The following EYS variants were observed in gnomAD, a reference collection of about 807,000 sequenced individuals.
The protein encoded by EYS is EGF-like photoreceptor maintenance factor.
A neutral mutation model predicts 282.1 loss-of-function variants in EYS; 250 were observed. The ratio of observed to expected loss-of-function variants is 0.89; its 90% CI spans 0.80 to 0.98. The LOEUF is 0.98. Among genes scored for constraint, EYS ranks in the 50% least tolerant of loss-of-function variants. The pLI, the probability that EYS is intolerant of heterozygous loss-of-function variation, is 0.00. For missense variants in EYS, 4,016 were observed against 3,709.0 expected, an observed-to-expected ratio of 1.08 and a Z score of -2.15; for synonymous variants, 1,355 against 1,282.9, an observed-to-expected ratio of 1.06 and a Z score of -1.20.
intron 36 of EYS, among the ~76,000 whole-genome samples, chr6:63,853,037 G>T (rs1772300861): frequency 6.6e-6 from 1 of 152,146 alleles, no homozygotes; most frequent in South Asian, 2.1e-4. Flanking sequence ...TACTGAATGG[G>T]CAAAAGCTGG....
At chr6:65,460,100 TA>T (rs1417521147) in intron 5 of EYS, among the ~76,000 whole-genome samples, 1 of 137,658 alleles carries the variant, frequency 7.3e-6, no homozygotes, top group Non-Finnish European at 1.6e-5. Flanking sequence ...CACACACACA[TA>T]CATATAAAAT....
At chr6:64,470,008 GC>G (rs1315830470) in intron 26 of EYS, among the ~76,000 whole-genome samples, 6 of 152,116 alleles carry the variant, frequency 3.9e-5, no homozygotes, top group South Asian at 2.1e-4. Flanking sequence ...GCAGGGAAGG[GC>G]CCCCTATCCA....
At chr6:65,461,855 G>A (rs955980567) in intron 5 of EYS, among the ~76,000 whole-genome samples, 11 of 152,052 alleles carry the variant, frequency 7.2e-5, no homozygotes, top group African/African-American at 2.7e-4. Context: ...TAGTATTACA[G>A]TATTGCCATT....
At chr6:64,469,411 ATTAG>A (rs1325490575) in intron 26 of EYS, among the ~76,000 whole-genome samples, 3 of 152,162 alleles carry the variant, frequency 2.0e-5, no homozygotes, top group Admixed American at 6.5e-5. Context: ...ATAATTAATC[ATTAG>A]TTAGTAGTAC....
At chr6:64,863,212 A>G (rs567439390) in intron 19 of EYS, among the ~76,000 whole-genome samples, 1 of 152,292 alleles carries the variant, frequency 6.6e-6, no homozygotes, top group Non-Finnish European at 1.5e-5. Context: ...CATGCATTGT[A>G]CTATTACTTT....
intron 36 of EYS, among the ~76,000 whole-genome samples, chr6:63,845,187 G>A (rs753928871): frequency 1.2e-4 from 19 of 152,114 alleles, no homozygotes; most frequent in African/African-American, 2.9e-4. Context: ...AAACCTAAAG[G>A]TACTGAAGAT....
At chr6:64,324,790 A>G (rs1406387624) in intron 29 of EYS, among the ~76,000 whole-genome samples, 1 of 152,230 alleles carries the variant, frequency 6.6e-6, no homozygotes, top group Non-Finnish European at 1.5e-5. Flanking sequence ...AAATCAATGT[A>G]TAAAAATCGG....
intron 12 of EYS, among the ~76,000 whole-genome samples, chr6:65,270,640 GAA>G (rs1054754786): frequency 6.6e-6 from 1 of 151,888 alleles, no homozygotes; most frequent in African/African-American, 2.4e-5. Context: ...ATTTTACTAT[GAA>G]AAGTCAGAAA....
intron 2 of EYS, among the ~76,000 whole-genome samples, chr6:65,506,427 T>C (rs1013030353): frequency 1.3e-5 from 2 of 151,068 alleles, no homozygotes; most frequent in African/African-American, 2.4e-5. Context: ...TTGTATTGAT[T>C]GTCCTGAGGT....
intron 2 of EYS, among the ~76,000 whole-genome samples, chr6:65,627,878 T>C (rs1766771099): frequency 6.6e-6 from 1 of 152,176 alleles, no homozygotes; most frequent in South Asian, 2.1e-4. Context: ...CACCACCCCC[T>C]GCTCTACGGC....
intron 26 of EYS, among the ~76,000 whole-genome samples, chr6:64,485,059 GA>G: frequency 6.6e-6 from 1 of 151,502 alleles, no homozygotes; most frequent in East Asian, 1.9e-4. Flanking sequence ...GAATATGAAA[GA>G]AAAAACAAAT....
intron 2 of EYS, among the ~76,000 whole-genome samples, chr6:65,562,989 G>C (rs1350485707): frequency 6.6e-6 from 1 of 152,056 alleles, no homozygotes; most frequent in Non-Finnish European, 1.5e-5. Context: ...TTCTAAGCCA[G>C]TGAGCCATGT....
intron 12 of EYS, among the ~76,000 whole-genome samples, chr6:65,238,817 A>G (rs550461471): frequency 6.6e-6 from 1 of 151,868 alleles, no homozygotes; most frequent in Non-Finnish European, 1.5e-5. Context: ...TTCATTTAAA[A>G]GTATTAGAAA....
chr6:63,992,501 T>C (rs941166117), intron 34 of EYS, among the ~76,000 whole-genome samples: 1 of 151,560 alleles, frequency 6.6e-6, no homozygotes. Flanking sequence ...TAACATAAAG[T>C]GTGTGTGTGG....
chr6:64,415,071 G>A (rs1479467887), intron 28 of EYS, among the ~76,000 whole-genome samples: 1 of 152,090 alleles, frequency 6.6e-6, no homozygotes, highest in Admixed American at 6.6e-5. Flanking sequence ...AAACACAATA[G>A]TTGTATGAAC....
intron 26 of EYS, among the ~76,000 whole-genome samples, chr6:64,492,913 G>A (rs1776781702): frequency 6.6e-6 from 1 of 151,362 alleles, no homozygotes; most frequent in Non-Finnish European, 1.5e-5. Context: ...AGATACAATG[G>A]TGAAATGGAG....
intron 28 of EYS, among the ~76,000 whole-genome samples, chr6:64,393,939 G>T (rs1449101234): frequency 5.9e-5 from 9 of 151,890 alleles, no homozygotes; most frequent in South Asian, 4.2e-4. Flanking sequence ...CAAAGTCTCA[G>T]GATACAAAAT....
intron 35 of EYS, among the ~76,000 whole-genome samples, chr6:63,929,597 C>T (rs1041798830): frequency 5.9e-5 from 9 of 152,218 alleles, no homozygotes. Context: ...GTATGATGCT[C>T]TGTCAGCTGC....
chr6:63,898,178 C>A (rs1275816953), intron 35 of EYS, among the ~76,000 whole-genome samples: 1 of 152,098 alleles, frequency 6.6e-6, no homozygotes, highest in East Asian at 1.9e-4. Context: ...TAAATCACAG[C>A]AGTTCTGCAT....
Sources: gnomAD v4.1 joint callset for allele counts (sites outside exome capture counted in the v4.1 genomes callset) on GRCh38, gnomAD v4.1.1 for gene constraint, MANE v1.5 for transcripts, NCBI Gene and HGNC (gene_info 2026-07-23, HGNC 2026-07-21) for gene names.